Variants in MYH9 observed in about 807,000 individuals in gnomAD.
MYH9 encodes the protein myosin-9.
Under a neutral mutation model 241.9 loss-of-function variants are expected in MYH9, and 29 were observed. The ratio of observed to expected loss-of-function variants is 0.12; its 90% CI spans 0.09 to 0.16. MYH9 has a LOEUF of 0.16. Ranked by LOEUF, MYH9 falls within the 10% of genes least tolerant of loss-of-function variation. The pLI is 1.00. For missense variants in MYH9, 1,803 were observed against 2,595.5 expected (o/e 0.69, Z 6.63); for synonymous variants, 1,047 against 1,062.6 (o/e 0.99, Z 0.29).
intron 1 of MYH9, among the ~76,000 whole-genome samples, chr22:36,360,072 C>CCACCACCACCACCACCAA (rs1569536881): frequency 6.8e-6 from 1 of 147,102 alleles, no homozygotes; most frequent in African/African-American, 2.5e-5. Flanking sequence ...ACCACCACCA[C>CCACCACCACCACCACCAA]CACCTAACAT....
chr22:36,385,594 C>G (rs548223316), intron 1 of MYH9, among the ~76,000 whole-genome samples: 1 of 152,076 alleles, frequency 6.6e-6, no homozygotes, highest in East Asian at 1.9e-4. Context: ...AAGCCAGGGC[C>G]CTCCCTCTCC....
rs774049793 is a variant in MYH9, at chr22:36,285,836, C to G, written c.5150+29G>C. The G allele has an allele frequency of 6.2e-7, 1 of 1,613,658 alleles. No homozygotes were observed. The highest frequency in any genetic ancestry group is 1.7e-5 in the Admixed American group (1 of 60,012). On this transcript the variant is annotated intron_variant, in intron 36 of 40. Transcript: ENST00000216181. This position sits in a 1 kb window ranked among gnomAD's most constrained non-coding sequence, Gnocchi z 7.0. ...CTACCCTGGGGACACACCTGGTCCC[C>G]CCCAACTCTGCCCCCTCACTCAGCT...
chr22:36,352,344 C>G (rs972512093), intron 1 of MYH9, among the ~76,000 whole-genome samples: 1 of 152,236 alleles, frequency 6.6e-6, no homozygotes, highest in African/African-American at 2.4e-5. Flanking sequence ...AAGATTTACT[C>G]CCTCGGCCCG....
At chr22:36,339,862 CCT>C (rs1239282652) in intron 3 of MYH9, among the ~76,000 whole-genome samples, 1 of 151,962 alleles carries the variant, frequency 6.6e-6, no homozygotes, top group African/African-American at 2.4e-5. Context: ...CAACATGGGC[CCT>C]GTCTGTATCT....
intron 3 of MYH9, among the ~76,000 whole-genome samples, chr22:36,335,649 G>A (rs572576411): frequency 1.9e-4 from 29 of 152,348 alleles, no homozygotes; most frequent in Non-Finnish European, 3.4e-4. Flanking sequence ...AGAATGTGGA[G>A]AGAAGGAAAG....
intron 1 of MYH9, among the ~76,000 whole-genome samples, chr22:36,352,674 T>A (rs2017786365): frequency 6.6e-6 from 1 of 152,254 alleles, no homozygotes; most frequent in South Asian, 2.1e-4. Context: ...GCCAGTGGTG[T>A]CCACTTGAAG....
chr22:36,379,701 C>G (rs2018225609), intron 1 of MYH9, among the ~76,000 whole-genome samples: 1 of 152,158 alleles, frequency 6.6e-6, no homozygotes, highest in Admixed American at 6.5e-5. Context: ...CTTAGCCCAA[C>G]CTGCACGGCA....
chr22:36,341,894 A>G (rs73167641), intron 2 of MYH9, among the ~76,000 whole-genome samples: 21 of 152,382 alleles, frequency 1.4e-4, no homozygotes, highest in Non-Finnish European at 2.9e-4. Context: ...ATCGTGAGAG[A>G]GGCACAAACA....
At chr22:36,372,124 T>C (rs149669845) in intron 1 of MYH9, among the ~76,000 whole-genome samples, 1,866 of 152,154 alleles carry the variant, frequency 0.012, 45 homozygotes, top group African/African-American at 0.043. Context: ...CCCCACTTCC[T>C]GTTGCTTTCT....
rs150956268 is a variant in MYH9, at chr22:36,360,751, G to A, written c.-19-11496C>T. On this transcript the variant is annotated intron_variant, in intron 1 of 40. Coordinates refer to ENST00000216181, the MANE Select transcript of MYH9 (RefSeq NM_002473.6). ...AGAAAGAAAAAGAAAAAAGAAATCT[G>A]CTTAACTCCATCCCAGGAATATCCT... is the stretch of plus-strand genomic sequence containing the variant. 3.3e-3 allele frequency among the ~76,000 whole-genome samples: 494 copies of A among 151,950 alleles called. 5 individuals carry two copies. Among genetic ancestry groups the A allele is most frequent in the African/African-American group, 0.011 (471 of 41,462 alleles).
intron 18 of MYH9, 49 bp downstream of exon 18, chr22:36,304,984 A>G: frequency 6.3e-7 from 1 of 1,580,482 alleles, no homozygotes. Flanking sequence ...GGCACTCCCC[A>G]GACAAGGGGC....
At chr22:36,347,359 A>T (rs186277867) in intron 2 of MYH9, among the ~76,000 whole-genome samples, 1 of 151,934 alleles carries the variant, frequency 6.6e-6, no homozygotes, top group East Asian at 2.0e-4. Flanking sequence ...AGAGTCCCAG[A>T]GCAAGTCTTA....
chr22:36,285,054 C>A lies in MYH9; in HGVS notation c.5483+67G>T. On this transcript the variant is annotated intron_variant, in intron 38 of 40. Coordinates refer to ENST00000216181, the MANE Select transcript of MYH9 (RefSeq NM_002473.6). This position sits in a 1 kb window ranked among gnomAD's most constrained non-coding sequence, Gnocchi z 7.0. ...GAGCTGGTTGTGGCCCAGATTTGGG[C>A]AGGACTGCAGGGGGGCCAGAGTTTT... 6.8e-7 allele frequency: 1 copy of A among 1,466,602 alleles called. No homozygotes were observed. Among genetic ancestry groups the A allele is most frequent in the Non-Finnish European group, 9.4e-7 (1 of 1,060,264 alleles). 90.8% of individuals were successfully genotyped at this position (1,466,602 alleles called of 1,614,324 possible). A position where few individuals can be genotyped will look rare whatever the true frequency, so the allele number is the denominator to read the frequency against.
rs1603482903 is a variant in MYH9 at position 36,293,336 on chromosome 22, T to C, written c.4088A>G (p.His1363Arg). Residue 1363 changes from histidine (H) to arginine (R), a missense_variant, in exon 30 of 41, where the codon CAT becomes CGT. By Grantham distance (29) the His-to-Arg change is conservative. Transcript: ENST00000216181. The surrounding 1 kb of genome is among the most constrained non-coding windows in gnomAD (Gnocchi z 5.1). ...TCCCCCAGGCCTCCAAACCTGGGCA[T>C]GGAGGGTGGCGATCTGCTTCTCCAG... is the stretch of plus-strand genomic sequence containing the variant. ...HNLEKQIATLHAQVADMKKKM... is the reference protein window; with the variant it reads ...HNLEKQIATLRAQVADMKKKM... The C allele has an allele frequency of 1.2e-6, 2 of 1,613,878 alleles. No individual in the cohort carries two copies. The highest frequency in any genetic ancestry group is 1.7e-6 in the Non-Finnish European group (2 of 1,180,012).
chr22:36,284,506 C>A lies in MYH9; in HGVS notation c.5489G>T (p.Arg1830Leu), dbSNP rs966415372. 8 of 1,612,408 alleles carry A rather than the reference C, an allele frequency of 5.0e-6. No individual in the cohort carries two copies. Among genetic ancestry groups the A allele is most frequent in the Non-Finnish European group, 6.8e-6 (8 of 1,180,004 alleles). ...EEQLDNETKE[R>L]QAACKQVRRT... ...ACGCACCTGTTTGCAGGCTGCCTGG[C>A]GCTCCCTGCATGACAGACAAGGTGG... is the stretch of plus-strand genomic sequence containing the variant. Residue 1830 changes from arginine to leucine, a missense_variant, in exon 39 of 41, where the codon CGC (arginine) becomes CTC (leucine). By Grantham distance (102) the Arg-to-Leu change is moderately radical. This residue lies in a region of MYH9 where 876 missense variants were observed against 1,077.8 expected (regional missense o/e 0.81). Coordinates refer to ENST00000216181, the MANE Select transcript of MYH9 (RefSeq NM_002473.6).
rs1353537529 is a variant in MYH9 at position 36,320,665 on chromosome 22, G to A, written c.868+133C>T. ...GTCCTTAGGATGGCGCAGAGAACAG[G>A]AGTCACTCTCACTTCTCCCCGTTAA... is the stretch of plus-strand genomic sequence containing the variant. On this transcript the variant is annotated intron_variant, in intron 8 of 40. Transcript: ENST00000216181. This position sits in a 1 kb window ranked among gnomAD's most constrained non-coding sequence, Gnocchi z 4.8. 5.4e-5 allele frequency: 42 copies of A among 784,504 alleles called. No individual in the cohort carries two copies. The highest frequency in any genetic ancestry group is 8.2e-5 in the Non-Finnish European group (38 of 463,710). The allele number at this position is 784,504 out of a possible 1,614,324, so 48.6% of individuals were successfully genotyped here.
intron 38 of MYH9, 118 bp from the exon 39 acceptor site, chr22:36,284,629 G>A: frequency 2.1e-6 from 2 of 965,890 alleles, no homozygotes; most frequent in Non-Finnish European, 3.2e-6. Context: ...ATCACGTAGG[G>A]AGGCCTTTGC....
intron 2 of MYH9, among the ~76,000 whole-genome samples, chr22:36,347,253 T>C (rs1392055186): frequency 3.3e-5 from 5 of 152,060 alleles, no homozygotes; most frequent in Non-Finnish European, 7.3e-5. Context: ...CCTGATCTGC[T>C]GCATGTGCTG....
At chr22:36,297,055 G>A in intron 24 of MYH9, 41 bp from the exon 25 acceptor site, 1 of 1,605,784 alleles carries the variant, frequency 6.2e-7, no homozygotes. Flanking sequence ...CAGTGCCATG[G>A]GTTCTGTCTC....
Sources: gnomAD v4.1 joint callset for allele counts (sites outside exome capture counted in the v4.1 genomes callset) on GRCh38, gnomAD v4.1.1 for gene constraint, gnomAD v4.1.1 regional missense constraint, Gnocchi (gnomAD v3.1) non-coding constraint, MANE v1.5 for transcripts, NCBI Gene and HGNC (gene_info 2026-07-23, HGNC 2026-07-21) for gene names.